ANKRD30A: variants seen among roughly 807,000 people sequenced by gnomAD.
ANKRD30A encodes ankyrin repeat domain-containing protein 30A.
ANKRD30A carries 170 observed loss-of-function variants against 166.3 expected under a neutral mutation model. That is an observed-to-expected ratio of 1.02 (90% confidence interval 0.90 to 1.16). The LOEUF (loss-of-function observed/expected upper bound fraction) is 1.16, where lower values mean the gene tolerates loss of function less well. Among genes scored for constraint, ANKRD30A ranks in the 50% most tolerant of loss-of-function variants. The probability of loss-of-function intolerance (pLI) is 0.00; values close to 1 mark genes in which losing one functional copy is unlikely to be tolerated. For missense variants in ANKRD30A, 1,630 were observed against 1,518.0 expected (o/e 1.07, Z -1.23); for synonymous variants, 564 against 508.9 (o/e 1.11, Z -1.46).
intron 6 of ANKRD30A, among the ~76,000 whole-genome samples, chr10:37,140,007 T>A (rs542923132): frequency 6.6e-6 from 1 of 152,324 alleles, no homozygotes; most frequent in East Asian, 1.9e-4. Flanking sequence ...GTCAATTAAC[T>A]CATAGTTTCT....
In ANKRD30A at chr10:37,212,702, A is replaced by C. The variant is rs374827642; in HGVS notation, c.2870-3479A>C. Reference sequence around the variant, plus strand: ...ACCAATGGAATAGAACAGAGTCCTCAGAAATAACGTCTTTAATCCATGTTG... The same window carrying C: ...ACCAATGGAATAGAACAGAGTCCTCCGAAATAACGTCTTTAATCCATGTTG... On this transcript the variant is annotated intron_variant, in intron 31 of 35. Transcript: ENST00000361713. Among the ~76,000 whole-genome samples the C allele has an allele frequency of 2.6e-5, 4 of 152,126 alleles. No individual in the cohort carries two copies. In the East Asian group the frequency reaches 7.8e-4, roughly 30 times the overall value.
At chr10:37,134,870 G>A (rs1836585905) in intron 5 of ANKRD30A, among the ~76,000 whole-genome samples, 1 of 152,146 alleles carries the variant, frequency 6.6e-6, no homozygotes. Flanking sequence ...TAATGTTATA[G>A]GAAGAAATTA....
chr10:37,148,023 A>T (rs1233693819), intron 9 of ANKRD30A, among the ~76,000 whole-genome samples: 1 of 124,394 alleles, frequency 8.0e-6, no homozygotes, highest in African/African-American at 2.9e-5. Context: ...ACAAAAATGC[A>T]TAGGTGTGCA....
At chr10:37,234,329 A>C (rs1419851919), downstream of ANKRD30A, among the ~76,000 whole-genome samples, 2 of 152,222 alleles carry the variant, frequency 1.3e-5, no homozygotes, top group South Asian at 4.1e-4. Flanking sequence ...TATAAAATTC[A>C]AAAATTAAAA....
At position 37,152,044 on chromosome 10, in the gene ANKRD30A, G is replaced by C; in HGVS notation, c.1646-16G>C. The C allele has an allele frequency of 6.3e-7, 1 of 1,594,810 alleles. No individual in the cohort carries two copies. The highest frequency in any genetic ancestry group is 8.6e-7 in the Non-Finnish European group (1 of 1,168,178). ...GAAATGTTGTCATGAATGTTTCTGT[G>C]ATTAACCTTTTATAGATCCGATGTT... On this transcript the variant is annotated splice_polypyrimidine_tract_variant and intron_variant, in intron 11 of 35. Coordinates refer to ENST00000361713, the MANE Select transcript of ANKRD30A (RefSeq NM_052997.3).
intron 1 of ANKRD30A, 72 bp downstream of exon 1, chr10:37,126,080 G>A: frequency 1.3e-6 from 2 of 1,509,180 alleles, no homozygotes; most frequent in East Asian, 2.3e-5. Context: ...CTTCAGAGTC[G>A]GGGGCTGGGG....
chr10:37,126,603 T>C (rs1296014504), intron 1 of ANKRD30A, among the ~76,000 whole-genome samples: 1 of 152,210 alleles, frequency 6.6e-6, no homozygotes, highest in African/African-American at 2.4e-5. Flanking sequence ...GCGAGTTCTT[T>C]ATCAGTTTTA....
At chr10:37,244,015 C>G in the ANKRD30A span, among the ~76,000 whole-genome samples, 1 of 152,112 alleles carries the variant, frequency 6.6e-6, no homozygotes, top group Non-Finnish European at 1.5e-5. Flanking sequence ...TCATTGTCAA[C>G]AACAGCATTT....
rs570560146 is a variant in ANKRD30A at position 37,160,455 on chromosome 10, C to T, written c.1900+1869C>T. 7.2e-5 allele frequency among the ~76,000 whole-genome samples: 11 copies of T among 152,076 alleles called. No homozygotes were observed. The South Asian group carries it at 8.3e-4, about 11-fold the overall frequency. ...AACATTATGTGAACTATTAGGCCCC[C>T]GGTGTATTTGTTGAACTTCAGAGAT... is the stretch of plus-strand genomic sequence containing the variant. On this transcript the variant is annotated intron_variant, in intron 15 of 35. Coordinates refer to ENST00000361713, the MANE Select transcript of ANKRD30A (RefSeq NM_052997.3).
In ANKRD30A at chr10:37,153,681, T is replaced by C. The variant is rs369110497; in HGVS notation, c.1798+19T>C. Reference sequence around the variant, plus strand: ...TTAGAAGGTAAGAACCGTTTTTTATTTAAAAATCAGTTGACCGAATATTTC... The same window carrying C: ...TTAGAAGGTAAGAACCGTTTTTTATCTAAAAATCAGTTGACCGAATATTTC... On this transcript the variant is annotated intron_variant, in intron 13 of 35. Coordinates refer to ENST00000361713, the MANE Select transcript of ANKRD30A (RefSeq NM_052997.3). 253 of 1,609,768 alleles carry C rather than the reference T, an allele frequency of 1.6e-4. No individual in the cohort carries two copies. In the African/African-American group the frequency reaches 3.0e-3, roughly 19 times the overall value.
chr10:37,144,509 G>T (rs1837366405), intron 7 of ANKRD30A, among the ~76,000 whole-genome samples: 1 of 152,082 alleles, frequency 6.6e-6, no homozygotes, highest in African/African-American at 2.4e-5. Context: ...ATTTAAAAGG[G>T]TTGGACATAT....
chr10:37,212,372 A>T (rs950483904), intron 31 of ANKRD30A, among the ~76,000 whole-genome samples: 1 of 152,066 alleles, frequency 6.6e-6, no homozygotes, highest in East Asian at 1.9e-4. Context: ...ATAAAAGAGG[A>T]TACAAACAAA....
At chr10:37,203,928 C>T (rs1841818196) in intron 31 of ANKRD30A, among the ~76,000 whole-genome samples, 1 of 152,114 alleles carries the variant, frequency 6.6e-6, no homozygotes, top group Admixed American at 6.5e-5. Context: ...ATCCAACTTA[C>T]AAGGGATGTG....
intron 9 of ANKRD30A, 54 bp from the exon 10 acceptor site, chr10:37,149,597 G>C: frequency 1.3e-6 from 2 of 1,566,112 alleles, no homozygotes; most frequent in Non-Finnish European, 1.8e-6. Context: ...CATTCATTTG[G>C]TTGGCATTGT....
chr10:37,233,045 A>G (rs1228269875), downstream of ANKRD30A, among the ~76,000 whole-genome samples: 1 of 152,070 alleles, frequency 6.6e-6, no homozygotes, highest in Non-Finnish European at 1.5e-5. Flanking sequence ...TGGTGATTTC[A>G]TAATCTCTTT....
intron 34 of ANKRD30A, among the ~76,000 whole-genome samples, chr10:37,224,584 A>G (rs1466537632): frequency 1.3e-5 from 2 of 151,446 alleles, no homozygotes; most frequent in Non-Finnish European, 3.0e-5. Flanking sequence ...ACTCAGATTA[A>G]AAATAGAACT....
At position 37,126,098 on chromosome 10, in the gene ANKRD30A, G is replaced by T. The variant is rs959913060; in HGVS notation, c.221+90G>T. On this transcript the variant is annotated intron_variant, in intron 1 of 35. Transcript: ENST00000361713. ...CAGAGTCGGGGGCTGGGGGGCCTGG[G>T]GAAGAAGGGAGCAGGTGGAGGAGTA... 4.3e-6 allele frequency: 6 copies of T among 1,399,818 alleles called. No homozygotes were observed. In the African/African-American group the frequency reaches 8.5e-5, roughly 20 times the overall value. The allele number at this position is 1,399,818 out of a possible 1,614,324, so 86.7% of individuals were successfully genotyped here.
intron 12 of ANKRD30A, among the ~76,000 whole-genome samples, chr10:37,153,126 A>G (rs1202579994): frequency 6.6e-6 from 1 of 152,162 alleles, no homozygotes; most frequent in Non-Finnish European, 1.5e-5. Context: ...CATGACATGC[A>G]TCATTTTTAA....
chr10:37,197,936 T>C (rs565321938), intron 29 of ANKRD30A, among the ~76,000 whole-genome samples: 19 of 152,098 alleles, frequency 1.2e-4, no homozygotes, highest in African/African-American at 3.1e-4. Flanking sequence ...GTAACTCGGA[T>C]TAGTGAACTC....
Sources: allele counts gnomAD v4.1 joint callset (sites outside exome capture counted in the v4.1 genomes callset), GRCh38; gene constraint gnomAD v4.1.1; transcripts MANE v1.5; gene names NCBI Gene and HGNC (gene_info 2026-07-23, HGNC 2026-07-21).